CGAS: variants seen among roughly 807,000 people sequenced by gnomAD.
CGAS encodes the protein 2'3'-cGAMP synthase.
CGAS carries 31 observed loss-of-function variants against 34.0 expected under a neutral mutation model. That is an observed-to-expected ratio of 0.91 (90% CI 0.69 to 1.23). CGAS has a LOEUF of 1.23. Ranked by LOEUF, CGAS falls within the 50% of genes most tolerant of loss-of-function variation. The pLI, the probability that CGAS is intolerant of heterozygous loss-of-function variation, is 0.00. For synonymous variants in CGAS, 266 were observed against 260.0 expected (o/e 1.02, Z -0.22); for missense variants, 597 against 657.6 (o/e 0.91, Z 1.01).
At chr6:73,428,593 T>G (rs1443624577) in intron 4 of CGAS, 116 bp downstream of exon 4, 1 of 843,372 alleles carries the variant, frequency 1.2e-6, no homozygotes, top group Non-Finnish European at 1.8e-6. Flanking sequence ...CTCAACCCAA[T>G]CCTGCCCTGC....
intron 1 of CGAS, among the ~76,000 whole-genome samples, chr6:73,450,725 A>G (rs1018691079): frequency 1.3e-5 from 2 of 152,068 alleles, no homozygotes; most frequent in Admixed American, 6.6e-5. Flanking sequence ...GCGGTAGCTC[A>G]CGCCTGTAAT....
In CGAS at chr6:73,451,955, G is replaced by C. The variant is rs1291310244; in HGVS notation, c.227C>G (p.Ala76Gly). Residue 76 changes from alanine to glycine, a missense_variant, in exon 1 of 5, where the codon GCA (alanine) becomes GGA (glycine). Physicochemically the swap from Ala to Gly is moderately conservative, Grantham distance 60 (BLOSUM62 0). Coordinates refer to ENST00000370315, the MANE Select transcript of CGAS (RefSeq NM_138441.3). ...GGCCTTTTTGGCGCGGGCCCCAGTT[G>C]CGCGGACGGGCGGCCTCTCCTGGGT... ...PDTQERPPVR[A>G]TGARAKKAPQ... 6.7e-7 allele frequency: 1 copy of C among 1,488,250 alleles called. No homozygotes were observed. Among genetic ancestry groups the C allele is most frequent in the African/African-American group, 1.4e-5 (1 of 70,478 alleles). The allele number at this position is 1,488,250 out of a possible 1,614,324, so 92.2% of individuals were successfully genotyped here.
chr6:73,437,350 T>G (rs1442559635), intron 3 of CGAS, among the ~76,000 whole-genome samples: 1 of 152,062 alleles, frequency 6.6e-6, no homozygotes, highest in Admixed American at 6.6e-5. Context: ...ACGAATTAAA[T>G]CAAAATTTAA....
intron 4 of CGAS, 103 bp from the exon 5 acceptor site, chr6:73,425,681 A>G: frequency 4.0e-6 from 3 of 749,360 alleles, no homozygotes; most frequent in Non-Finnish European, 6.3e-6. Flanking sequence ...ATATATAATA[A>G]CATAAATATA....
intron 3 of CGAS, chr6:73,439,788 ATGCACATTTTATC>A (rs1464918894): frequency 2.4e-5 from 4 of 165,526 alleles, no homozygotes; most frequent in African/African-American, 9.6e-5. Context: ...ACAGAACTGC[ATGCACATTTTATC>A]TTTCCAGAAT....
chr6:73,432,018 C>T (rs980062034), intron 3 of CGAS, among the ~76,000 whole-genome samples: 2 of 151,904 alleles, frequency 1.3e-5, no homozygotes, highest in African/African-American at 2.4e-5. Flanking sequence ...TTTGTAGAGA[C>T]GGGGTCTCTC....
chr6:73,442,756 G>A (rs144963410), intron 2 of CGAS, among the ~76,000 whole-genome samples: 28 of 151,836 alleles, frequency 1.8e-4, no homozygotes, highest in Admixed American at 7.9e-4. Flanking sequence ...CTGCCACCAC[G>A]CCTGGCTAAT....
chr6:73,451,387 G>C (rs1300531124), intron 1 of CGAS, 138 bp downstream of exon 1: 3 of 1,002,264 alleles, frequency 3.0e-6, no homozygotes, highest in Non-Finnish European at 4.3e-6. Flanking sequence ...GTTTTACTTA[G>C]ACTAGGCTAC....
chr6:73,429,151 T>C (rs189383648), intron 3 of CGAS, among the ~76,000 whole-genome samples: 165 of 148,774 alleles, frequency 1.1e-3, no homozygotes, highest in African/African-American at 4.0e-3. Flanking sequence ...GATTGCACCA[T>C]TGCACTCCAG....
At chr6:73,447,613 G>C (rs1770492980) in intron 1 of CGAS, among the ~76,000 whole-genome samples, 1 of 151,754 alleles carries the variant, frequency 6.6e-6, no homozygotes, top group African/African-American at 2.4e-5. Flanking sequence ...TTTAGAGATG[G>C]GGTCTCTAGG....
In CGAS at chr6:73,424,224, G is replaced by A. The variant is rs1184621569; in HGVS notation, c.*1003C>T. The A allele has an allele frequency of 6.6e-6, 1 of 152,114 alleles. No homozygotes were observed. Among genetic ancestry groups the A allele is most frequent in the African/African-American group, 2.4e-5 (1 of 41,432 alleles). The allele number at this position is 152,114 out of a possible 1,614,324, so 9.4% of individuals were successfully genotyped here. On this transcript the variant is annotated 3_prime_UTR_variant, in exon 5 of 5. Transcript: ENST00000370315. ...CCAAGGCGGGCGGATCACAAGGTAAGGAGATCGAGACCATCCTGGCTAACA... is the reference window on the plus strand; with the variant it reads ...CCAAGGCGGGCGGATCACAAGGTAAAGAGATCGAGACCATCCTGGCTAACA...
chr6:73,442,178 T>A (rs1770390280), intron 2 of CGAS, among the ~76,000 whole-genome samples: 1 of 152,094 alleles, frequency 6.6e-6, no homozygotes, highest in South Asian at 2.1e-4. Context: ...TGGCCCTCCA[T>A]CTACCTTTCA....
intron 3 of CGAS, among the ~76,000 whole-genome samples, chr6:73,430,409 C>A (rs904612217): frequency 2.0e-5 from 3 of 151,936 alleles, no homozygotes; most frequent in African/African-American, 4.8e-5. Flanking sequence ...GACAGGAGAC[C>A]AGCCTGGCCA....
At chr6:73,442,846 C>G (rs902525326) in intron 2 of CGAS, among the ~76,000 whole-genome samples, 56 of 152,036 alleles carry the variant, frequency 3.7e-4, no homozygotes, top group African/African-American at 1.1e-3. Context: ...ATCCGCCCAC[C>G]TTGGCCTCCC....
intron 3 of CGAS, among the ~76,000 whole-genome samples, chr6:73,438,924 C>A (rs2150813346): frequency 1.3e-5 from 2 of 152,198 alleles, no homozygotes; most frequent in South Asian, 4.1e-4. Context: ...TTGCAGAAAG[C>A]TATAATTCAT....
intron 1 of CGAS, among the ~76,000 whole-genome samples, chr6:73,449,476 AACACACACACACAC>A (rs144519687): frequency 4.2e-5 from 6 of 142,808 alleles, no homozygotes; most frequent in South Asian, 2.4e-4. Context: ...CTCTGTCTCA[AACACACACACACAC>A]ACACACACAC....
In CGAS at chr6:73,451,795, G is replaced by A. The variant is rs2150019792; in HGVS notation, c.387C>T (p.Ser129=). Residue 129 remains serine (S), a synonymous_variant, in exon 1 of 5, where the codon TCC becomes TCT. Transcript: ENST00000370315. ...GSCRQRGARC[S]TKPRPPPGPW... ...GCCCGGGCGGAGGTCTTGGCTTCGT[G>A]GAGCAGCGCGCGCCCCTCTGGCGGC... The A allele has an allele frequency of 6.4e-7, 1 of 1,572,782 alleles. No individual in the cohort carries two copies. The highest frequency in any genetic ancestry group is 1.1e-5 in the South Asian group (1 of 87,010).
intron 1 of CGAS, among the ~76,000 whole-genome samples, chr6:73,449,303 C>T (rs1192093276): frequency 1.3e-5 from 2 of 151,640 alleles, no homozygotes; most frequent in African/African-American, 2.4e-5. Flanking sequence ...GGTGAAACCC[C>T]GTCTCTACTA....
chr6:73,432,961 G>A (rs1025033373), intron 3 of CGAS, among the ~76,000 whole-genome samples: 1 of 152,048 alleles, frequency 6.6e-6, no homozygotes, highest in African/African-American at 2.4e-5. Context: ...GTGGGCACCT[G>A]TAATCCCAGC....
Sources: gnomAD v4.1 joint callset for allele counts (sites outside exome capture counted in the v4.1 genomes callset) on GRCh38, gnomAD v4.1.1 for gene constraint, MANE v1.5 for transcripts, NCBI Gene and HGNC (gene_info 2026-07-23, HGNC 2026-07-21) for gene names.